The following PRELID2 variants were observed in gnomAD, a reference collection of about 807,000 sequenced individuals.
PRELID2 encodes the protein PRELI domain-containing protein 2.
In PRELID2, 25 loss-of-function variants were observed where a neutral mutation model predicts 28.4. The ratio of observed to expected loss-of-function variants is 0.88; its 90% confidence interval spans 0.64 to 1.23. The LOEUF (loss-of-function observed/expected upper bound fraction) is 1.23. Among genes scored for constraint, PRELID2 ranks in the 50% most tolerant of loss-of-function variants. The pLI is 0.00. For missense variants in PRELID2, 201 were observed against 214.4 expected (o/e 0.94, Z 0.39); for synonymous variants, 76 against 71.6 (o/e 1.06, Z -0.31).
the PRELID2 span, among the ~76,000 whole-genome samples, chr5:145,293,769 T>C: frequency 6.6e-6 from 1 of 152,242 alleles, no homozygotes; most frequent in East Asian, 1.9e-4. Context: ...AGCATAATAG[T>C]GAAGTTAGAT....
the PRELID2 span, among the ~76,000 whole-genome samples, chr5:145,294,731 T>C: frequency 2.6e-5 from 4 of 152,308 alleles, no homozygotes; most frequent in African/African-American, 9.6e-5. Flanking sequence ...CTGATCCATG[T>C]AGTTTAGGTG....
At chr5:145,750,037 T>C (rs573347151) in intron 1 of PRELID2, among the ~76,000 whole-genome samples, 1 of 151,998 alleles carries the variant, frequency 6.6e-6, no homozygotes, top group East Asian at 1.9e-4. Flanking sequence ...GGCACATGTA[T>C]ACATATGTAA....
At chr5:145,429,149 G>C in the PRELID2 span, among the ~76,000 whole-genome samples, 1 of 152,186 alleles carries the variant, frequency 6.6e-6, no homozygotes, top group African/African-American at 2.4e-5. Context: ...AGAGGTCAGA[G>C]CAGAAGCAAG....
chr5:145,561,639 G>A (rs1024388230), intron 1 of PRELID2, among the ~76,000 whole-genome samples: 1 of 152,188 alleles, frequency 6.6e-6, no homozygotes, highest in African/African-American at 2.4e-5. Context: ...GAAAGAGAGA[G>A]CATTACCTAA....
Position 145,487,856 on chromosome 5 carries a change from G to T in PRELID2, n.71-14541C>A, listed in dbSNP as rs566220938. 4.0e-4 allele frequency among the ~76,000 whole-genome samples: 61 copies of T among 151,878 alleles called. No individual in the cohort carries two copies. The South Asian group carries it at 6.5e-3, about 16-fold the overall frequency. On this transcript the variant is annotated intron_variant and non_coding_transcript_variant, in intron 1 of 2. Transcript: ENST00000510259. The stretch of plus-strand genomic sequence containing the variant: ...AAATGGAATTGGAGGCCGGGCGCGT[G>T]GCTCATGCCTGTAATCCCAGGACTT...
intron 1 of PRELID2, among the ~76,000 whole-genome samples, chr5:145,666,040 T>C (rs1180997342): frequency 6.6e-6 from 1 of 151,868 alleles, no homozygotes; most frequent in Non-Finnish European, 1.5e-5. Context: ...TCTCTTATGT[T>C]AACAAAAATT....
At chr5:145,786,357 T>C (rs562784721) in intron 5 of PRELID2, among the ~76,000 whole-genome samples, 3 of 152,308 alleles carry the variant, frequency 2.0e-5, no homozygotes, top group East Asian at 3.9e-4. Flanking sequence ...TAAAAGGATG[T>C]CACTTCAATT....
chr5:145,385,511 G>A, the PRELID2 span, among the ~76,000 whole-genome samples: 1 of 152,126 alleles, frequency 6.6e-6, no homozygotes, highest in African/African-American at 2.4e-5. Context: ...TGACCACTCT[G>A]TCTGATAGGA....
the PRELID2 span, among the ~76,000 whole-genome samples, chr5:145,315,545 G>GTTGTGTGT: frequency 2.8e-5 from 4 of 142,908 alleles, no homozygotes; most frequent in African/African-American, 1.0e-4. Context: ...GCTCTTTCAG[G>GTTGTGTGT]GTGTGTGTGT....
At chr5:145,382,392 A>T in the PRELID2 span, among the ~76,000 whole-genome samples, 1 of 152,216 alleles carries the variant, frequency 6.6e-6, no homozygotes, top group African/African-American at 2.4e-5. Flanking sequence ...GAAAAATATT[A>T]ATTTTGAGAT....
intron 4 of PRELID2, among the ~76,000 whole-genome samples, chr5:145,802,631 G>A (rs185462647): frequency 6.6e-6 from 1 of 152,240 alleles, no homozygotes; most frequent in African/African-American, 2.4e-5. Context: ...ACCTGATTGT[G>A]GGATGAGCCA....
chr5:145,379,828 A>G, the PRELID2 span, among the ~76,000 whole-genome samples: 1 of 152,110 alleles, frequency 6.6e-6, no homozygotes, highest in South Asian at 2.1e-4. Flanking sequence ...AGCAGAAGCT[A>G]TGGTGTGGGC....
chr5:145,785,137 C>A (rs140853476), intron 5 of PRELID2, among the ~76,000 whole-genome samples: 197 of 152,238 alleles, frequency 1.3e-3, no homozygotes, highest in African/African-American at 4.6e-3. Context: ...ATGTGCCAGG[C>A]ATATTTCACA....
chr5:145,498,377 C>T (rs1362171058), intron 1 of PRELID2, among the ~76,000 whole-genome samples: 1 of 152,118 alleles, frequency 6.6e-6, no homozygotes, highest in Non-Finnish European at 1.5e-5. Flanking sequence ...AAATTCTACA[C>T]AGTCAAGCAT....
At chr5:145,706,480 A>T (rs1755550766) in intron 1 of PRELID2, among the ~76,000 whole-genome samples, 1 of 152,110 alleles carries the variant, frequency 6.6e-6, no homozygotes, top group African/African-American at 2.4e-5. Flanking sequence ...CGCCCACTCA[A>T]ACTCTAACCA....
At position 145,775,412 on chromosome 5, in the gene PRELID2, A is replaced by G. The variant is rs10069496; in HGVS notation, c.475-10412T>C. ...TTCCTACAATCAAAAAATAATTTCC[A>G]TCTACATCTGCGTGGTTTTAATTTT... On this transcript the variant is annotated intron_variant, in intron 5 of 6. Transcript: ENST00000683046. Among the ~76,000 whole-genome samples, 354 of 152,312 alleles carry G rather than the reference A, an allele frequency of 2.3e-3. 1 individual carries two copies. The highest frequency in any genetic ancestry group is 6.8e-3 in the African/African-American group (282 of 41,566).
chr5:145,744,196 G>A (rs2149744393), intron 1 of PRELID2, among the ~76,000 whole-genome samples: 1 of 152,352 alleles, frequency 6.6e-6, no homozygotes, highest in East Asian at 1.9e-4. Context: ...AGCCCCTCAG[G>A]GGAGGGGTGG....
intron 1 of PRELID2, among the ~76,000 whole-genome samples, chr5:145,508,514 T>C (rs1752432441): frequency 1.3e-5 from 2 of 151,976 alleles, no homozygotes; most frequent in South Asian, 2.1e-4. Context: ...TTTAATGGGA[T>C]GGTGACTGAA....
At chr5:145,588,526 C>A (rs1409798354) in intron 1 of PRELID2, among the ~76,000 whole-genome samples, 1 of 152,084 alleles carries the variant, frequency 6.6e-6, no homozygotes, top group Non-Finnish European at 1.5e-5. Context: ...ATACTCACAT[C>A]TATATGTAGA....
Sources: gnomAD v4.1 joint callset for allele counts (sites outside exome capture counted in the v4.1 genomes callset) on GRCh38, gnomAD v4.1.1 for gene constraint, MANE v1.5 for transcripts, NCBI Gene and HGNC (gene_info 2026-07-23, HGNC 2026-07-21) for gene names.